TRIP6: variants seen among roughly 807,000 people sequenced by gnomAD.
TRIP6 encodes the protein thyroid receptor-interacting protein 6.
Under a neutral mutation model 51.9 loss-of-function variants are expected in TRIP6, and 33 were observed. The ratio of observed to expected loss-of-function variants is 0.64; its 90% CI spans 0.48 to 0.85. The LOEUF (loss-of-function observed/expected upper bound fraction) is 0.85. Among genes scored for constraint, TRIP6 ranks in the 40% least tolerant of loss-of-function variants. TRIP6 has a pLI of 0.00. For synonymous variants in TRIP6, 255 were observed against 275.8 expected, an observed-to-expected ratio of 0.92 and a Z score of 0.75; for missense variants, 661 against 652.1, an observed-to-expected ratio of 1.01 and a Z score of -0.15.
Position 100,868,773 on chromosome 7 carries a change from G to A in TRIP6, c.642G>A (p.Arg214=), listed in dbSNP as rs777745610. 10 of 1,530,356 alleles carry A rather than the reference G, an allele frequency of 6.5e-6. No individual in the cohort carries two copies. The highest frequency in any genetic ancestry group is 4.5e-5 in the East Asian group (2 of 44,020). 94.8% of individuals were successfully genotyped at this position (1,530,356 alleles called of 1,614,324 possible). A position where few individuals can be genotyped will look rare whatever the true frequency, so the allele number is the denominator to read the frequency against. ...GTGAAGTCTGGGGGCCTGGCTATAGGAGCCAGAGAGAGCCAGGGCCAGGGG... is the reference window on the plus strand; with the variant it reads ...GTGAAGTCTGGGGGCCTGGCTATAGAAGCCAGAGAGAGCCAGGGCCAGGGG... ...GRGEVWGPGY[R]SQREPGPGAK... is the part of the protein sequence containing the mutation. The change falls in exon 4 of 9, where the codon AGG becomes AGA. Residue 214 remains arginine (R), a synonymous_variant. Transcript: ENST00000200457.
At position 100,870,689 on chromosome 7, in the gene TRIP6, C is replaced by A; in HGVS notation, c.945C>A (p.Arg315=). 1 of 1,614,086 alleles carries A rather than the reference C, an allele frequency of 6.2e-7. No individual in the cohort carries two copies. The highest frequency in any genetic ancestry group is 8.5e-7 in the Non-Finnish European group (1 of 1,179,988). The change falls in exon 6 of 9, where the codon CGC becomes CGA. Residue 315 remains arginine, a synonymous_variant. Coordinates refer to ENST00000200457, the MANE Select transcript of TRIP6 (RefSeq NM_003302.3). The part of the protein sequence containing the change: ...FVCSTCRAQL[R]GQHFYAVERR... Reference sequence around the variant, plus strand: ...GTTCTACATGCCGGGCCCAGCTTCGCGGCCAGCATTTCTACGCCGTGGAGA... The same window carrying A: ...GTTCTACATGCCGGGCCCAGCTTCGAGGCCAGCATTTCTACGCCGTGGAGA...
Position 100,867,920 on chromosome 7 carries a change from G to A in TRIP6, c.169G>A (p.Ala57Thr). Residue 57 changes from alanine (A) to threonine (T), a missense_variant, in exon 2 of 9, where the codon GCC becomes ACC. By Grantham distance (58) the Ala-to-Thr change is moderately conservative (BLOSUM62 0). Transcript: ENST00000200457. The surrounding 1 kb of genome is among the most constrained non-coding windows in gnomAD (Gnocchi z 5.4). ...CPLPSEQCYQ[A>T]PGGPEDRGPA... ...CCTTCCATCTGAGCAGTGTTACCAG[G>A]CCCCAGGGGGACCGGAGGATCGGGG... 6.6e-7 allele frequency: 1 copy of A among 1,518,426 alleles called. No homozygotes were observed. The allele number at this position is 1,518,426 out of a possible 1,614,324, so 94.1% of individuals were successfully genotyped here.
chr7:100,870,410 T>C lies in TRIP6; in HGVS notation c.776T>C (p.Leu259Pro). Residue 259 changes from leucine to proline, a missense_variant, in exon 5 of 9, where the codon CTG becomes CCG. Coordinates refer to ENST00000200457, the MANE Select transcript of TRIP6 (RefSeq NM_003302.3). ...CCTCCAGAGGATGAGCTGGATAGGC[T>C]GACGAAGAAGCTGGTTCACGACATG... is the stretch of plus-strand genomic sequence containing the variant. The part of the protein sequence containing the change: ...SQPPEDELDR[L>P]TKKLVHDMNH... 1 of 1,612,704 alleles carries C rather than the reference T, an allele frequency of 6.2e-7. No homozygotes were observed. The highest frequency in any genetic ancestry group is 8.5e-7 in the Non-Finnish European group (1 of 1,179,988).
At position 100,868,126 on chromosome 7, in the gene TRIP6, G is replaced by A; in HGVS notation, c.256G>A (p.Gly86Arg). The A allele has an allele frequency of 1.2e-6, 2 of 1,612,350 alleles. No homozygotes were observed. The highest frequency in any genetic ancestry group is 1.7e-6 in the Non-Finnish European group (2 of 1,179,494). ...TCCTCAGGGGCTCCCTGCAGACAGG[G>A]GGGGCCTTCGCCCTGGAAGCCTGGA... ...QHTQGLPADR[G>R]GLRPGSLDAE... The change falls in exon 3 of 9, where the codon GGG becomes AGG. Residue 86 changes from glycine to arginine, a missense_variant. Physicochemically the swap from Gly to Arg is moderately radical, Grantham distance 125 (BLOSUM62 -2). Coordinates refer to ENST00000200457, the MANE Select transcript of TRIP6 (RefSeq NM_003302.3).
chr7:100,868,922 G>C, intron 4 of TRIP6, 56 bp downstream of exon 4: 1 of 1,440,146 alleles, frequency 6.9e-7, no homozygotes. Flanking sequence ...CACCGACTGG[G>C]TGGGGTGGCT....
chr7:100,869,945 ATTACAATGTAATATATACCGAAACAAT>A (rs1181544778), intron 4 of TRIP6, among the ~76,000 whole-genome samples: 39 of 151,970 alleles, frequency 2.6e-4, no homozygotes, highest in Non-Finnish European at 5.0e-4. Context: ...TACAATGTAT[ATTACAATGTAATATATACCGAAACAAT>A]TATACAATTC....
chr7:100,870,575 C>T lies in TRIP6; in HGVS notation c.831C>T (p.Gly277=). 6 of 1,613,668 alleles carry T rather than the reference C, an allele frequency of 3.7e-6. No homozygotes were observed. Among genetic ancestry groups the T allele is most frequent in the South Asian group, 1.1e-5 (1 of 90,992 alleles). Residue 277 remains glycine (G), a splice_region_variant and synonymous_variant, in exon 6 of 9, where the codon GGC becomes GGT. Coordinates refer to ENST00000200457, the MANE Select transcript of TRIP6 (RefSeq NM_003302.3). ...GATGCTGTTTCTCCCTGTCCTCAGG[C>T]CAGTGTGGTGGCTGCGGAGAAGATG... ...MNHPPSGEYF[G]QCGGCGEDVV...
chr7:100,870,596 A>T lies in TRIP6; in HGVS notation c.852A>T (p.Glu284Asp). 6 of 1,614,066 alleles carry T rather than the reference A, an allele frequency of 3.7e-6. No individual in the cohort carries two copies. The highest frequency in any genetic ancestry group is 5.1e-6 in the Non-Finnish European group (6 of 1,179,954). Residue 284 changes from glutamate to aspartate, a missense_variant, in exon 6 of 9, where the codon GAA (glutamate) becomes GAT (aspartate). Glu to Asp is a conservative substitution (Grantham distance 45, BLOSUM62 2). Transcript: ENST00000200457. Reference sequence around the variant, plus strand: ...CAGGCCAGTGTGGTGGCTGCGGAGAAGATGTGGTTGGGGATGGGGCTGGGG... The same window carrying T: ...CAGGCCAGTGTGGTGGCTGCGGAGATGATGTGGTTGGGGATGGGGCTGGGG... ...EYFGQCGGCG[E>D]DVVGDGAGVV... is the part of the protein sequence containing the mutation.
Position 100,870,401 on chromosome 7 carries a change from T to A in TRIP6, c.767T>A (p.Leu256Gln). 1.2e-6 allele frequency: 2 copies of A among 1,611,994 alleles called. No individual in the cohort carries two copies. Among genetic ancestry groups the A allele is most frequent in the Non-Finnish European group, 1.7e-6 (2 of 1,179,810 alleles). ...VPLSQPPEDE[L>Q]DRLTKKLVHD... ...CTGAGCCAGCCTCCAGAGGATGAGC[T>A]GGATAGGCTGACGAAGAAGCTGGTT... The change falls in exon 5 of 9, where the codon CTG (leucine) becomes CAG (glutamine). Residue 256 changes from leucine to glutamine, a missense_variant. Physicochemically the swap from Leu to Gln is moderately radical, Grantham distance 113. Coordinates refer to ENST00000200457, the MANE Select transcript of TRIP6 (RefSeq NM_003302.3).
rs1364502043 is a variant in TRIP6, at chr7:100,867,544, G to A, written c.47G>A (p.Arg16Lys). ...WLPPKQPEPA[R>K]APQGRAIPRG... Reference sequence around the variant, plus strand: ...CCCCCGAAGCAGCCGGAGCCCGCCAGAGCCCCTCAGGGGAGGGCGATCCCC... The same window carrying A: ...CCCCCGAAGCAGCCGGAGCCCGCCAAAGCCCCTCAGGGGAGGGCGATCCCC... The change falls in exon 1 of 9, where the codon AGA becomes AAA. Residue 16 changes from arginine (R) to lysine (K), a missense_variant. Transcript: ENST00000200457. The surrounding 1 kb of genome is among the most constrained non-coding windows in gnomAD (Gnocchi z 5.4). 1 of 1,533,980 alleles carries A rather than the reference G, an allele frequency of 6.5e-7. No homozygotes were observed. Among genetic ancestry groups the A allele is most frequent in the Admixed American group, 2.0e-5 (1 of 48,946 alleles).
chr7:100,872,013 GT>G lies in TRIP6; in HGVS notation c.1178+311del, dbSNP rs71517130. 6.5e-3 allele frequency among the ~76,000 whole-genome samples: 750 copies of G among 115,246 alleles called. 1 individual carries two copies. Among genetic ancestry groups the G allele is most frequent in the African/African-American group, 0.012 (373 of 30,848 alleles). 75.6% of individuals were successfully genotyped at this position (115,246 alleles called of 152,430 possible). ...CCACCATGCCTGGCTAGTTTTCTTC[GT>G]TTTTTTTTTTTTTTTTTTGAGATGG... On this transcript the variant is annotated intron_variant, in intron 7 of 8. Coordinates refer to ENST00000200457, the MANE Select transcript of TRIP6 (RefSeq NM_003302.3).
At chr7:100,868,940 T>G (rs1584718059) in intron 4 of TRIP6, 74 bp downstream of exon 4, 1 of 1,415,490 alleles carries the variant, frequency 7.1e-7, no homozygotes, top group Non-Finnish European at 9.2e-7. Flanking sequence ...GCTGGTGGTG[T>G]TTTAGGGGGC....
Position 100,871,581 on chromosome 7 carries a change from C to T in TRIP6, c.1038C>T (p.Ile346=), listed in dbSNP as rs1465230964. ...LEKCATCSQP[I]LDRILRAMGK... ...AATGTGCCACGTGCTCCCAGCCCAT[C>T]CTGGACCGGATCCTGCGGGCTATGG... Residue 346 remains isoleucine (I), a synonymous_variant, in exon 7 of 9, where the codon ATC becomes ATT. Coordinates refer to ENST00000200457, the MANE Select transcript of TRIP6 (RefSeq NM_003302.3). The T allele has an allele frequency of 5.6e-6, 9 of 1,614,012 alleles. No individual in the cohort carries two copies. Among genetic ancestry groups the T allele is most frequent in the Non-Finnish European group, 6.8e-6 (8 of 1,180,040 alleles).
At chr7:100,868,034 C>T (rs780102545) in intron 2 of TRIP6, 46 bp downstream of exon 2, 2 of 1,537,256 alleles carry the variant, frequency 1.3e-6, no homozygotes, top group East Asian at 4.6e-5. Flanking sequence ...TCCCCCAGAA[C>T]CGAGTCTGAG....
intron 7 of TRIP6, 106 bp from the exon 8 acceptor site, chr7:100,872,518 C>G: frequency 2.0e-6 from 3 of 1,519,684 alleles, no homozygotes; most frequent in Non-Finnish European, 2.7e-6. Flanking sequence ...AAGGCCATAC[C>G]TCTGGCCTCT....
intron 4 of TRIP6, among the ~76,000 whole-genome samples, chr7:100,869,965 G>C (rs752391571): frequency 6.6e-6 from 1 of 151,600 alleles, no homozygotes; most frequent in African/African-American, 2.4e-5. Flanking sequence ...AATATATACC[G>C]AAACAATTAT....
intron 6 of TRIP6, 56 bp from the exon 7 acceptor site, chr7:100,871,487 T>G: frequency 1.3e-6 from 2 of 1,581,936 alleles, no homozygotes; most frequent in Non-Finnish European, 1.7e-6. Context: ...GGGGTTCCTG[T>G]TGAGCTGCCA....
Position 100,867,472 on chromosome 7 carries a change from C to A in TRIP6, c.-26C>A. On this transcript the variant is annotated 5_prime_UTR_variant, in exon 1 of 9. It adds an upstream start codon to the 5' untranslated region. Coordinates refer to ENST00000200457, the MANE Select transcript of TRIP6 (RefSeq NM_003302.3). This position sits in a 1 kb window ranked among gnomAD's most constrained non-coding sequence, Gnocchi z 5.4. ...CCAGAGGCTCGGGGCTTCAAGACCG[C>A]TGTCTGGAGTCCCCCTTTCCAGGCC... 2.1e-6 allele frequency: 3 copies of A among 1,424,750 alleles called. No homozygotes were observed. Among genetic ancestry groups the A allele is most frequent in the Non-Finnish European group, 2.8e-6 (3 of 1,084,034 alleles). 88.3% of individuals were successfully genotyped at this position (1,424,750 alleles called of 1,614,324 possible).
At chr7:100,869,046 C>T (rs974702117) in intron 4 of TRIP6, among the ~76,000 whole-genome samples, 180 bp downstream of exon 4, 1 of 152,102 alleles carries the variant, frequency 6.6e-6, no homozygotes, top group Non-Finnish European at 1.5e-5. Flanking sequence ...CTCCCGGGTT[C>T]AAGTGATTCT....
Sources: gnomAD v4.1 joint callset for allele counts (sites outside exome capture counted in the v4.1 genomes callset) on GRCh38, gnomAD v4.1.1 for gene constraint, Gnocchi (gnomAD v3.1) non-coding constraint, MANE v1.5 for transcripts, NCBI Gene and HGNC (gene_info 2026-07-23, HGNC 2026-07-21) for gene names.